Variants in KAT6A observed in about 807,000 individuals in gnomAD.
KAT6A encodes lysine acetyltransferase 6A.
KAT6A carries 9 observed loss-of-function variants against 198.4 expected under a neutral mutation model. That is an observed-to-expected ratio of 0.05 (90% CI 0.03 to 0.08). KAT6A has a LOEUF of 0.08. Among genes scored for constraint, KAT6A ranks in the 10% least tolerant of loss-of-function variants. The pLI, the probability that KAT6A is intolerant of heterozygous loss-of-function variation, is 1.00. For synonymous variants in KAT6A, 890 were observed against 883.0 expected (o/e 1.01, Z -0.14); for missense variants, 2,077 against 2,509.9 (o/e 0.83, Z 3.69).
At chr8:42,025,974 T>C (rs1248856742) in intron 2 of KAT6A, among the ~76,000 whole-genome samples, 1 of 152,226 alleles carries the variant, frequency 6.6e-6, no homozygotes, top group Non-Finnish European at 1.5e-5. Flanking sequence ...AATAGGGGTC[T>C]AGTTTCATTC....
At chr8:42,026,430 G>A (rs1826814191) in intron 2 of KAT6A, among the ~76,000 whole-genome samples, 1 of 152,072 alleles carries the variant, frequency 6.6e-6, no homozygotes, top group East Asian at 1.9e-4. Context: ...ATTTGTTTGT[G>A]TCCTCCAATT....
At chr8:41,974,111 T>C (rs1423421046) in intron 8 of KAT6A, among the ~76,000 whole-genome samples, 1 of 151,866 alleles carries the variant, frequency 6.6e-6, no homozygotes, top group African/African-American at 2.4e-5. Flanking sequence ...AGGGTCTCAC[T>C]CTGTCACCCA....
rs1163073556 is a variant in KAT6A at position 41,980,941 on chromosome 8, G to C, written c.826-14C>G. ...GAGCATGTTATCCTATTAGAAAAAA[G>C]AAAGGACAGTTTTGCTTAACCTTAT... is the stretch of plus-strand genomic sequence containing the variant. On this transcript the variant is annotated splice_polypyrimidine_tract_variant and intron_variant, in intron 4 of 16. Coordinates refer to ENST00000265713, the MANE Select transcript of KAT6A (RefSeq NM_006766.5). 1 of 1,584,176 alleles carries C rather than the reference G, an allele frequency of 6.3e-7. No homozygotes were observed. Among genetic ancestry groups the C allele is most frequent in the African/African-American group, 1.3e-5 (1 of 74,440 alleles).
chr8:41,933,324 G>A lies in KAT6A; in HGVS notation c.4896C>T (p.Ile1632=). The change falls in exon 17 of 17, where the codon ATC becomes ATT. Residue 1632 remains isoleucine, a synonymous_variant. Coordinates refer to ENST00000265713, the MANE Select transcript of KAT6A (RefSeq NM_006766.5). The surrounding 1 kb of genome is among the most constrained non-coding windows in gnomAD (Gnocchi z 6.2). ...SSVQPAANCS[I]KSPQSCVVER... is the part of the protein sequence containing the mutation. ...CCACCACGCAGCTCTGAGGTGACTT[G>A]ATGCTGCAGTTGGCAGCAGGCTGGA... 6.4e-7 allele frequency: 1 copy of A among 1,574,270 alleles called. No individual in the cohort carries two copies. The highest frequency in any genetic ancestry group is 8.6e-7 in the Non-Finnish European group (1 of 1,163,292).
chr8:42,051,132 C>A (rs1367989108), intron 1 of KAT6A, among the ~76,000 whole-genome samples: 2 of 152,204 alleles, frequency 1.3e-5, no homozygotes, highest in Non-Finnish European at 2.9e-5. Context: ...CAGAGCGGTG[C>A]ATAGCCCCGG....
intron 14 of KAT6A, 114 bp from the exon 15 acceptor site, chr8:41,941,558 G>T (rs1822137813): frequency 9.3e-7 from 1 of 1,071,108 alleles, no homozygotes; most frequent in East Asian, 2.5e-5. Flanking sequence ...GCTTTAAAAA[G>T]AAAATGATCA....
At chr8:42,010,196 T>A (rs576380481) in intron 2 of KAT6A, among the ~76,000 whole-genome samples, 1 of 152,202 alleles carries the variant, frequency 6.6e-6, no homozygotes, top group East Asian at 1.9e-4. Context: ...TCCCAGCTAC[T>A]CTGGAGGCTG....
At chr8:42,038,173 C>T (rs897352042) in intron 2 of KAT6A, among the ~76,000 whole-genome samples, 10 of 152,206 alleles carry the variant, frequency 6.6e-5, no homozygotes, top group African/African-American at 2.4e-4. Context: ...TGCAGACCTA[C>T]TGAAAATTAG....
intron 3 of KAT6A, among the ~76,000 whole-genome samples, chr8:41,987,006 C>A (rs992353466): frequency 6.6e-6 from 1 of 152,168 alleles, no homozygotes; most frequent in Non-Finnish European, 1.5e-5. Flanking sequence ...CCACTACACT[C>A]CAGCCTGGGT....
At chr8:42,004,614 T>A (rs1019667649) in intron 2 of KAT6A, among the ~76,000 whole-genome samples, 20 of 152,174 alleles carry the variant, frequency 1.3e-4, no homozygotes, top group Admixed American at 6.5e-5. Context: ...CTATTCACAA[T>A]GCTGATCGAC....
chr8:41,943,762 G>T lies in KAT6A; in HGVS notation c.2214C>A (p.Asp738Glu). ...TSTLHHLRML[D>E]FRSDQFVIIR... ...GTGATACTCACTGGTCACTACGGAA[G>T]TCCAGCATTCGTAGGTGGTGGAGTG... The change falls in exon 13 of 17, where the codon GAC becomes GAA. Residue 738 changes from aspartate to glutamate, a missense_variant. Coordinates refer to ENST00000265713, the MANE Select transcript of KAT6A (RefSeq NM_006766.5). The T allele has an allele frequency of 6.2e-7, 1 of 1,612,552 alleles. No individual in the cohort carries two copies. Among genetic ancestry groups the T allele is most frequent in the South Asian group, 1.1e-5 (1 of 91,034 alleles).
At chr8:42,031,417 G>C (rs928267584) in intron 2 of KAT6A, among the ~76,000 whole-genome samples, 1 of 151,894 alleles carries the variant, frequency 6.6e-6, no homozygotes, top group African/African-American at 2.4e-5. Flanking sequence ...ATTTTGAGAG[G>C]ATAAAGAGAG....
In KAT6A at chr8:41,974,814, C is replaced by T. The variant is rs201585802; in HGVS notation, c.1372G>A (p.Asp458Asn). The change falls in exon 8 of 17, where the codon GAT (aspartate) becomes AAT (asparagine). Residue 458 changes from aspartate (D) to asparagine (N), a missense_variant. Around this residue, in one of 13 missense-constraint regions of KAT6A, gnomAD observed 206 missense variants for 214.9 expected, o/e 0.96. Transcript: ENST00000265713. ...STSDWPTDNQDGWDGKQENEE... is the reference protein window; with the variant it reads ...STSDWPTDNQNGWDGKQENEE... ...TTTTCTTGTTTGCCATCCCAGCCAT[C>T]CTGATTGTCTACATATAAAAAAAGA... 6 of 1,606,520 alleles carry T rather than the reference C, an allele frequency of 3.7e-6. No individual in the cohort carries two copies. The highest frequency in any genetic ancestry group is 2.2e-5 in the East Asian group (1 of 44,716).
At position 41,949,893 on chromosome 8, in the gene KAT6A, G is replaced by A. The variant is rs949816511; in HGVS notation, c.1599-530C>T. 3.9e-5 allele frequency among the ~76,000 whole-genome samples: 6 copies of A among 152,118 alleles called. No individual in the cohort carries two copies. The East Asian group carries it at 5.8e-4, about 15-fold the overall frequency. ...AACTTTCCTGGGGGACTCACAATGTGCATTAATTCTTCCCATATAACCTCA... is the reference window on the plus strand; with the variant it reads ...AACTTTCCTGGGGGACTCACAATGTACATTAATTCTTCCCATATAACCTCA... On this transcript the variant is annotated intron_variant, in intron 9 of 16. Transcript: ENST00000265713.
At chr8:42,034,201 G>C (rs1827264069) in intron 2 of KAT6A, among the ~76,000 whole-genome samples, 1 of 152,230 alleles carries the variant, frequency 6.6e-6, no homozygotes, top group South Asian at 2.1e-4. Flanking sequence ...GACTGATGCA[G>C]TACAATGGCT....
At position 41,977,338 on chromosome 8, in the gene KAT6A, A is replaced by G. The variant is rs747859206; in HGVS notation, c.1044-11T>C. The G allele has an allele frequency of 1.9e-6, 3 of 1,599,452 alleles. No individual in the cohort carries two copies. The highest frequency in any genetic ancestry group is 3.3e-4 in the Middle Eastern group (2 of 6,008). ...AAGGGACCTTTTGATCTAAACAATT[A>G]AACAGGGGAAAGGGTAAGTATTAAA... On this transcript the variant is annotated splice_polypyrimidine_tract_variant and intron_variant, in intron 6 of 16. Transcript: ENST00000265713.
At chr8:42,029,592 TCTCA>T (rs1400412623) in intron 2 of KAT6A, among the ~76,000 whole-genome samples, 3 of 151,294 alleles carry the variant, frequency 2.0e-5, no homozygotes, top group African/African-American at 7.3e-5. Context: ...TGAAACAGGT[TCTCA>T]CTCTGTTGCC....
intron 5 of KAT6A, 53 bp from the exon 6 acceptor site, chr8:41,978,830 A>T (rs1824203603): frequency 6.5e-7 from 1 of 1,541,346 alleles, no homozygotes; most frequent in Non-Finnish European, 8.9e-7. Context: ...AATACACTGA[A>T]AGGTTTCAGA....
At chr8:42,046,680 A>G (rs981530429) in intron 2 of KAT6A, among the ~76,000 whole-genome samples, 7 of 152,358 alleles carry the variant, frequency 4.6e-5, no homozygotes, top group East Asian at 1.9e-4. Context: ...TAGAAATCCG[A>G]TAACTGTATT....
Sources: allele counts gnomAD v4.1 joint callset (sites outside exome capture counted in the v4.1 genomes callset), GRCh38; gene constraint gnomAD v4.1.1; regional missense constraint gnomAD v4.1.1; non-coding constraint Gnocchi (gnomAD v3.1); transcripts MANE v1.5; gene names NCBI Gene and HGNC (gene_info 2026-07-23, HGNC 2026-07-21).